MARK4: variants seen among roughly 807,000 people sequenced by gnomAD.
MARK4 encodes MAP/microtubule affinity-regulating kinase 4.
Under a neutral mutation model 81.5 loss-of-function variants are expected in MARK4, and 19 were observed. That is an observed-to-expected ratio of 0.23 (90% CI 0.16 to 0.34). The LOEUF is 0.34. Among genes scored for constraint, MARK4 ranks in the 10% least tolerant of loss-of-function variants. The probability of loss-of-function intolerance (pLI) is 1.00; values close to 1 mark genes in which losing one functional copy is unlikely to be tolerated. For synonymous variants in MARK4, 436 were observed against 439.0 expected (o/e 0.99, Z 0.08); for missense variants, 772 against 1,058.8 (o/e 0.73, Z 3.76).
rs1175277020 is a variant in MARK4 at position 45,277,822 on chromosome 19, GTTGTGTGT to G, written c.787-100_787-93del. The G allele has an allele frequency of 1.8e-5, 21 of 1,140,892 alleles. 1 individual carries two copies. The highest frequency in any genetic ancestry group is 1.2e-4 in the South Asian group (7 of 58,864). The allele number at this position is 1,140,892 out of a possible 1,614,324, so 70.7% of individuals were successfully genotyped here. A position where few individuals can be genotyped will look rare whatever the true frequency, so the allele number is the denominator to read the frequency against. ...TTCTATCAAAGGGGTTGGGACAAAG[GTTGTGTGT>G]GTGTGTGTGTGTGTGTGTGTGTGTG... On this transcript the variant is annotated intron_variant, in intron 8 of 16. Coordinates refer to ENST00000262891, the MANE Select transcript of MARK4 (RefSeq NM_001199867.2).
At chr19:45,254,609 C>T (rs1297445822) in intron 1 of MARK4, among the ~76,000 whole-genome samples, 4 of 152,324 alleles carry the variant, frequency 2.6e-5, no homozygotes, top group East Asian at 3.9e-4. Flanking sequence ...TGGGTGTCCC[C>T]GTCTGAAGAC....
chr19:45,262,979 G>A (rs112202258), intron 2 of MARK4, 134 bp from the exon 3 acceptor site: 533 of 966,754 alleles, frequency 5.5e-4, no homozygotes, highest in Non-Finnish European at 7.8e-4. Context: ...TGACCAGGCT[G>A]GTCTCGAACT....
At chr19:45,266,472 G>A (rs1970455088) in intron 7 of MARK4, among the ~76,000 whole-genome samples, 191 bp downstream of exon 7, 1 of 152,084 alleles carries the variant, frequency 6.6e-6, no homozygotes, top group African/African-American at 2.4e-5. Context: ...AAGGCCAGCA[G>A]ATGGGGGAGC....
At chr19:45,270,048 G>A (rs561537798) in intron 7 of MARK4, among the ~76,000 whole-genome samples, 8 of 152,124 alleles carry the variant, frequency 5.3e-5, no homozygotes, top group African/African-American at 9.6e-5. Flanking sequence ...AGCTAGTCTC[G>A]AACTCCTGAC....
chr19:45,290,958 G>A (rs1295600185), intron 13 of MARK4, among the ~76,000 whole-genome samples: 1 of 152,218 alleles, frequency 6.6e-6, no homozygotes, highest in Non-Finnish European at 1.5e-5. Flanking sequence ...CAGCAGAAGG[G>A]CCTTGGGGAA....
chr19:45,276,060 T>C (rs1039280154), intron 8 of MARK4, among the ~76,000 whole-genome samples: 3 of 152,212 alleles, frequency 2.0e-5, no homozygotes, highest in Non-Finnish European at 4.4e-5. Context: ...AGACAAGGTC[T>C]CAGTCACCCA....
At chr19:45,286,321 T>C (rs1298976409) in intron 12 of MARK4, among the ~76,000 whole-genome samples, 2 of 151,884 alleles carry the variant, frequency 1.3e-5, no homozygotes, top group East Asian at 3.9e-4. Context: ...CCCAAAGTGC[T>C]GGGATTACAG....
intron 1 of MARK4, among the ~76,000 whole-genome samples, chr19:45,256,764 CACAGAT>C (rs1383243055): frequency 6.6e-6 from 1 of 152,174 alleles, no homozygotes; most frequent in African/African-American, 2.4e-5. Context: ...TATTGAGCTT[CACAGAT>C]ACAGTGTTTT....
At chr19:45,287,342 A>C in intron 12 of MARK4, 105 bp from the exon 13 acceptor site, 2 of 728,674 alleles carry the variant, frequency 2.7e-6, no homozygotes, top group Non-Finnish European at 2.1e-6. Flanking sequence ...TGGCCCACAC[A>C]GAGATTGCAA....
chr19:45,281,897 A>G (rs781186604), intron 12 of MARK4, among the ~76,000 whole-genome samples: 10 of 152,134 alleles, frequency 6.6e-5, no homozygotes, highest in Non-Finnish European at 1.5e-4. Flanking sequence ...TGCAACTGAC[A>G]GACATCTCAT....
Position 45,302,504 on chromosome 19 carries a change from C to T in MARK4, c.2053C>T (p.Arg685Cys). 6.2e-7 allele frequency: 1 copy of T among 1,601,960 alleles called. No individual in the cohort carries two copies. Among genetic ancestry groups the T allele is most frequent in the Non-Finnish European group, 8.5e-7 (1 of 1,178,700 alleles). The change falls in exon 17 of 17, where the codon CGC (arginine) becomes TGC (cysteine). Residue 685 changes from arginine to cysteine, a missense_variant. Transcript: ENST00000262891. The surrounding 1 kb of genome is among the most constrained non-coding windows in gnomAD (Gnocchi z 4.9). ...AALRQATAAA[R>C]CRCRQPQPFL... ...TCTGCGCCAGGCCACAGCAGCCGCC[C>T]GCTGCCGCTGCCGCCAGCCACAGCC...
At chr19:45,299,549 A>G (rs567888026) in intron 15 of MARK4, among the ~76,000 whole-genome samples, 45 of 152,170 alleles carry the variant, frequency 3.0e-4, no homozygotes, top group African/African-American at 6.8e-4. Context: ...CCACTTATCT[A>G]TGTAAGGGTG....
Position 45,264,915 on chromosome 19 carries a change from G to C in MARK4, c.492+5G>C. 6.2e-7 allele frequency: 1 copy of C among 1,614,064 alleles called. No homozygotes were observed. The highest frequency in any genetic ancestry group is 1.1e-5 in the South Asian group (1 of 91,056). ...GCTCGAGCCAAGTTCCGACAGGTTG[G>C]GGCAGGGCTGAGGGTGGGGCTGACT... On this transcript the variant is annotated splice_donor_5th_base_variant and intron_variant, in intron 6 of 16. Coordinates refer to ENST00000262891, the MANE Select transcript of MARK4 (RefSeq NM_001199867.2).
intron 2 of MARK4, among the ~76,000 whole-genome samples, chr19:45,259,532 C>CT (rs1283076348): frequency 1.3e-5 from 2 of 152,140 alleles, no homozygotes; most frequent in African/African-American, 4.8e-5. Flanking sequence ...AAGGCCAAGG[C>CT]AGGAGGATTC....
intron 15 of MARK4, 136 bp from the exon 16 acceptor site, chr19:45,299,675 C>A (rs1236394979): frequency 3.3e-6 from 2 of 598,360 alleles, no homozygotes; most frequent in Non-Finnish European, 5.5e-6. Flanking sequence ...GAGATCAAAT[C>A]CTGACTCCAG....
intron 12 of MARK4, among the ~76,000 whole-genome samples, chr19:45,286,725 A>T (rs186049652): frequency 1.8e-4 from 28 of 152,030 alleles, no homozygotes; most frequent in East Asian, 1.2e-3. Flanking sequence ...TAAAAAAATT[A>T]AAAAAAAGAA....
chr19:45,281,966 A>G (rs1432413481), intron 12 of MARK4, among the ~76,000 whole-genome samples: 1 of 152,088 alleles, frequency 6.6e-6, no homozygotes, highest in South Asian at 2.1e-4. Context: ...ACGGTGGCTC[A>G]TGTCTGTAAT....
intron 7 of MARK4, among the ~76,000 whole-genome samples, chr19:45,269,059 G>A (rs551711924): frequency 6.6e-6 from 1 of 152,190 alleles, no homozygotes; most frequent in East Asian, 1.9e-4. Flanking sequence ...GCTGGATTGC[G>A]GAGCCTCAAA....
At chr19:45,295,541 G>A (rs34931908) in intron 14 of MARK4, among the ~76,000 whole-genome samples, 29,025 of 152,038 alleles carry the variant, frequency 0.19, 3,242 homozygotes, top group Non-Finnish European at 0.27. Context: ...TTGTGAGGCC[G>A]AGGTGGGCAG....
Sources: allele counts gnomAD v4.1 joint callset (sites outside exome capture counted in the v4.1 genomes callset), GRCh38; gene constraint gnomAD v4.1.1; non-coding constraint Gnocchi (gnomAD v3.1); transcripts MANE v1.5; gene names NCBI Gene and HGNC (gene_info 2026-07-23, HGNC 2026-07-21).